Variants in PCDHGA1 observed in about 807,000 individuals in gnomAD.
PCDHGA1 encodes the protein protocadherin gamma subfamily A, 1, also known as protocadherin gamma-A1.
Under a neutral mutation model 58.0 loss-of-function variants are expected in PCDHGA1, and 32 were observed. That is an observed-to-expected ratio of 0.55 (90% CI 0.42 to 0.74). PCDHGA1 has a LOEUF of 0.74. PCDHGA1 is among the 30% of genes least tolerant of loss of function. The pLI, the probability that PCDHGA1 is intolerant of heterozygous loss-of-function variation, is 0.00. For synonymous variants in PCDHGA1, 498 were observed against 501.1 expected, an observed-to-expected ratio of 0.99 and a Z score of 0.08; for missense variants, 1,205 against 1,182.3, an observed-to-expected ratio of 1.02 and a Z score of -0.28.
At chr5:141,433,123 C>T (rs575738328) in intron 1 of PCDHGA1, 5 of 1,614,116 alleles carry the variant, frequency 3.1e-6, no homozygotes, top group African/African-American at 2.7e-5. Context: ...TTGAAAAAAG[C>T]GAGCCCCTTT....
At chr5:141,409,792 C>T in intron 1 of PCDHGA1, 1 of 1,612,068 alleles carries the variant, frequency 6.2e-7, no homozygotes, top group African/African-American at 1.3e-5. Flanking sequence ...CCTTCGCGCT[C>T]ACGCTGCAGG....
At chr5:141,375,695 G>C (rs540188136) in intron 1 of PCDHGA1, 1 of 1,614,250 alleles carries the variant, frequency 6.2e-7, no homozygotes, top group South Asian at 1.1e-5. Context: ...CAGCGACAGC[G>C]GGGACCCGCC....
In PCDHGA1 at chr5:141,485,417, G is replaced by A. The variant is rs1340790133; in HGVS notation, c.2422-9390G>A. The A allele has an allele frequency of 1.2e-6, 2 of 1,614,166 alleles. No homozygotes were observed. Among genetic ancestry groups the A allele is most frequent in the Non-Finnish European group, 8.5e-7 (1 of 1,180,038 alleles). ...ACACTTCCGTGTGGATTTGGACAGCGGAGCCCTGCTCATCAAGAACCCAAT... is the reference window on the plus strand; with the variant it reads ...ACACTTCCGTGTGGATTTGGACAGCAGAGCCCTGCTCATCAAGAACCCAAT... On this transcript the variant is annotated intron_variant, in intron 1 of 3. Coordinates refer to ENST00000517417, the MANE Select transcript of PCDHGA1 (RefSeq NM_018912.3). The surrounding 1 kb of genome is among the most constrained non-coding windows in gnomAD (Gnocchi z 5.7).
Position 141,491,758 on chromosome 5 carries a change from C to A in PCDHGA1, c.2422-3049C>A. The stretch of plus-strand genomic sequence containing the variant: ...TGGGGGCGGCACTGGAGAAGCCGCC[C>A]GTCCTCATAAGGGATTGAACTTGCA... On this transcript the variant is annotated intron_variant, in intron 1 of 3. Coordinates refer to ENST00000517417, the MANE Select transcript of PCDHGA1 (RefSeq NM_018912.3). This position sits in a 1 kb window ranked among gnomAD's most constrained non-coding sequence, Gnocchi z 6.9. 6.3e-7 allele frequency: 1 copy of A among 1,578,788 alleles called. No homozygotes were observed. Among genetic ancestry groups the A allele is most frequent in the Non-Finnish European group, 8.6e-7 (1 of 1,163,522 alleles).
At chr5:141,470,078 G>C (rs542998375) in intron 1 of PCDHGA1, among the ~76,000 whole-genome samples, 21 of 152,182 alleles carry the variant, frequency 1.4e-4, no homozygotes, top group Non-Finnish European at 2.9e-4. Context: ...GTAGTGATCT[G>C]AGATCATGCC....
chr5:141,426,492 T>C (rs1439487321), intron 1 of PCDHGA1: 2 of 336,712 alleles, frequency 5.9e-6, no homozygotes, highest in African/African-American at 4.3e-5. Context: ...TTAGAGTTAG[T>C]GCAGAGAAAC....
At chr5:141,345,639 G>T (rs764564541) in intron 1 of PCDHGA1, 6 of 1,614,180 alleles carry the variant, frequency 3.7e-6, no homozygotes, top group Non-Finnish European at 5.1e-6. Context: ...GACAGCCAGC[G>T]ACAGCGGGAA....
At position 141,431,274 on chromosome 5, in the gene PCDHGA1, TC is replaced by T. The variant is rs767658803; in HGVS notation, c.2422-63532del. On this transcript the variant is annotated intron_variant, in intron 1 of 3. Transcript: ENST00000517417. The surrounding 1 kb of genome is among the most constrained non-coding windows in gnomAD (Gnocchi z 4.8). ...AAGAACTCTCTGCAGAGCTACGAGC[TC>T]AGCCCGAACACTCACTTCTCCCTCA... 6 of 1,614,128 alleles carry T rather than the reference TC, an allele frequency of 3.7e-6. No homozygotes were observed. Among genetic ancestry groups the T allele is most frequent in the Non-Finnish European group, 5.1e-6 (6 of 1,180,024 alleles).
intron 1 of PCDHGA1, chr5:141,404,978 G>C: frequency 6.2e-7 from 1 of 1,613,976 alleles, no homozygotes; most frequent in Non-Finnish European, 8.5e-7. Context: ...GGCTGACCTG[G>C]GCAGTCTTCA....
chr5:141,354,708 A>G (rs1031330796), intron 1 of PCDHGA1, among the ~76,000 whole-genome samples: 2 of 152,190 alleles, frequency 1.3e-5, no homozygotes, highest in African/African-American at 4.8e-5. Context: ...CTATACTGAG[A>G]ATGGGCTGTG....
At chr5:141,461,740 G>A (rs770518286) in intron 1 of PCDHGA1, among the ~76,000 whole-genome samples, 4 of 152,072 alleles carry the variant, frequency 2.6e-5, no homozygotes, top group Non-Finnish European at 2.9e-5. Context: ...GCACAATCCC[G>A]GCTCCCAGAT....
intron 1 of PCDHGA1, among the ~76,000 whole-genome samples, chr5:141,460,252 A>T (rs1342135416): frequency 6.6e-6 from 1 of 151,974 alleles, no homozygotes; most frequent in African/African-American, 2.4e-5. Flanking sequence ...AATTTTGATA[A>T]AGCCCAATTT....
intron 1 of PCDHGA1, chr5:141,346,204 T>C: frequency 6.2e-7 from 1 of 1,614,134 alleles, no homozygotes; most frequent in Non-Finnish European, 8.5e-7. Flanking sequence ...AAGTCACGCC[T>C]GCTGCAGGCT....
rs1589316075 is a variant in PCDHGA1, at chr5:141,398,010, G to GAATTT, written c.2421+64905_2421+64906insAATTT. 8 of 1,407,812 alleles carry GAATTT rather than the reference G, an allele frequency of 5.7e-6. 1 individual carries two copies. The East Asian group carries it at 1.5e-4, about 27-fold the overall frequency. 87.2% of individuals were successfully genotyped at this position (1,407,812 alleles called of 1,614,324 possible). Reference sequence around the variant, plus strand: ...CCGCTTCCTCCTCGGAAAAAGAATCGTTTCCTAAACTGGAACTGGAACTAA... The same window carrying GAATTT: ...CCGCTTCCTCCTCGGAAAAAGAATCGAATTTTTTCCTAAACTGGAACTGGAACTAA... On this transcript the variant is annotated intron_variant, in intron 1 of 3. Transcript: ENST00000517417.
chr5:141,476,225 A>G lies in PCDHGA1; in HGVS notation c.2422-18582A>G, dbSNP rs1414835001. ...GGCTTCCACGGTCATTCACTATGAG[A>G]TCCCGGAGGAAAGAGAGAAGGGTTT... On this transcript the variant is annotated intron_variant, in intron 1 of 3. Transcript: ENST00000517417. This position sits in a 1 kb window ranked among gnomAD's most constrained non-coding sequence, Gnocchi z 7.6. 3 of 1,613,882 alleles carry G rather than the reference A, an allele frequency of 1.9e-6. No homozygotes were observed. The highest frequency in any genetic ancestry group is 2.5e-6 in the Non-Finnish European group (3 of 1,180,012).
chr5:141,395,463 C>A, intron 1 of PCDHGA1: 1 of 582,522 alleles, frequency 1.7e-6, no homozygotes, highest in Non-Finnish European at 2.9e-6. Flanking sequence ...CCATTTTAAG[C>A]CTTCCAGTAT....
chr5:141,333,782 G>A (rs955075334), intron 1 of PCDHGA1: 2 of 152,690 alleles, frequency 1.3e-5, no homozygotes, highest in Non-Finnish European at 2.9e-5. Context: ...TACCTCCTGG[G>A]CTCAAGCGAT....
chr5:141,343,941 C>T, intron 1 of PCDHGA1: 1 of 1,196,774 alleles, frequency 8.4e-7, no homozygotes, highest in Non-Finnish European at 1.2e-6. Flanking sequence ...TGAATTAGGC[C>T]CGTAAAAGAC....
intron 1 of PCDHGA1, chr5:141,372,020 C>T (rs534964155): frequency 1.2e-6 from 2 of 1,613,370 alleles, no homozygotes; most frequent in Admixed American, 1.7e-5. Context: ...CGCCTACGCT[C>T]AGCGCCAACG....
Sources: allele counts gnomAD v4.1 joint callset (sites outside exome capture counted in the v4.1 genomes callset), GRCh38; gene constraint gnomAD v4.1.1; non-coding constraint Gnocchi (gnomAD v3.1); transcripts MANE v1.5; gene names NCBI Gene and HGNC (gene_info 2026-07-23, HGNC 2026-07-21).